FHIP1A: variants seen among roughly 807,000 people sequenced by gnomAD.
FHIP1A encodes FHF complex subunit HOOK-interacting protein 1A.
In FHIP1A, 61 loss-of-function variants were observed where a neutral mutation model predicts 88.6. That is an observed-to-expected ratio of 0.69 (90% CI 0.56 to 0.85). The LOEUF is 0.85. FHIP1A is among the 40% of genes least tolerant of loss of function. The pLI is 0.00. For missense variants in FHIP1A, 1,154 were observed against 1,273.5 expected (o/e 0.91, Z 1.43); for synonymous variants, 478 against 496.0 (o/e 0.96, Z 0.48).
At chr4:151,556,120 A>G (rs1198772107) in intron 3 of FHIP1A, among the ~76,000 whole-genome samples, 1 of 152,136 alleles carries the variant, frequency 6.6e-6, no homozygotes, top group Non-Finnish European at 1.5e-5. Flanking sequence ...TAATTATAAT[A>G]TGCGTATTTT....
intron 5 of FHIP1A, among the ~76,000 whole-genome samples, chr4:151,579,955 G>A (rs1490191730): frequency 6.6e-6 from 1 of 152,112 alleles, no homozygotes; most frequent in Non-Finnish European, 1.5e-5. Flanking sequence ...AGATACTTTA[G>A]TCTGTGTTTC....
chr4:151,646,269 G>T (rs1470315966), intron 9 of FHIP1A, among the ~76,000 whole-genome samples: 1 of 152,224 alleles, frequency 6.6e-6, no homozygotes, highest in African/African-American at 2.4e-5. Flanking sequence ...GCCAGGTAAA[G>T]GTGACAGTGG....
At chr4:151,586,404 T>C (rs1349695604) in intron 5 of FHIP1A, among the ~76,000 whole-genome samples, 3 of 152,204 alleles carry the variant, frequency 2.0e-5, no homozygotes, top group Non-Finnish European at 4.4e-5. Context: ...ATACCAACCA[T>C]GTGTATATTA....
intron 2 of FHIP1A, 39 bp downstream of exon 2, chr4:151,454,847 T>G (rs931135733): frequency 6.6e-6 from 1 of 152,174 alleles, no homozygotes; most frequent in Non-Finnish European, 1.5e-5. Context: ...ACTTTTAGCT[T>G]GTGTGTGAAA....
chr4:151,629,379 A>G (rs1429555527), intron 7 of FHIP1A, among the ~76,000 whole-genome samples: 1 of 152,172 alleles, frequency 6.6e-6, no homozygotes, highest in Non-Finnish European at 1.5e-5. Flanking sequence ...AATACTTTCC[A>G]TTATCTTTTT....
intron 1 of FHIP1A, among the ~76,000 whole-genome samples, chr4:151,452,205 T>A (rs1450600300): frequency 6.6e-6 from 1 of 152,226 alleles, no homozygotes; most frequent in South Asian, 2.1e-4. Flanking sequence ...TTAGACTCAT[T>A]AACATGGTTC....
Position 151,435,993 on chromosome 4 carries a change from T to C in FHIP1A, c.-355-18708T>C, listed in dbSNP as rs561699500. Among the ~76,000 whole-genome samples the C allele has an allele frequency of 1.5e-4, 23 of 152,304 alleles. No homozygotes were observed. In the South Asian group the frequency reaches 4.8e-3, roughly 32 times the overall value. ...CAATGCTTTTGTGATTTAATTTGTA[T>C]AAGAAAAAAGTTATTTAGTTCAGTT... On this transcript the variant is annotated intron_variant, in intron 1 of 13. Coordinates refer to ENST00000435205, the MANE Select transcript of FHIP1A (RefSeq NM_001109977.3).
intron 3 of FHIP1A, among the ~76,000 whole-genome samples, chr4:151,548,075 A>G (rs1020660946): frequency 1.3e-5 from 2 of 152,142 alleles, no homozygotes; most frequent in Non-Finnish European, 2.9e-5. Context: ...TGAAGGTTAC[A>G]TGGCTACTAA....
rs1737753028 is a variant in FHIP1A, at chr4:151,668,723, A to G, written c.*5969A>G. On this transcript the variant is annotated 3_prime_UTR_variant, in exon 14 of 14. Coordinates refer to ENST00000435205, the MANE Select transcript of FHIP1A (RefSeq NM_001109977.3). Reference sequence around the variant, plus strand: ...TGTTTCATACAGTAAGCGAGCTTTTACTGAATACTCCCTCTGTTAGGTAGC... The same window carrying G: ...TGTTTCATACAGTAAGCGAGCTTTTGCTGAATACTCCCTCTGTTAGGTAGC... Among the ~76,000 whole-genome samples the G allele has an allele frequency of 6.6e-6, 1 of 152,214 alleles. No homozygotes were observed. The highest frequency in any genetic ancestry group is 2.4e-5 in the African/African-American group (1 of 41,456).
chr4:151,603,742 T>C lies in FHIP1A; in HGVS notation c.978+14816T>C, dbSNP rs150199526. Among the ~76,000 whole-genome samples the C allele has an allele frequency of 2.0e-4, 31 of 152,336 alleles. No individual in the cohort carries two copies. The East Asian group carries it at 5.4e-3, about 27-fold the overall frequency. ...TATCACTTTTCCCACTTACCTGGCA[T>C]AGAACTCTTAATCATCCTTGAATTT... On this transcript the variant is annotated intron_variant, in intron 7 of 13. Transcript: ENST00000435205.
At chr4:151,442,329 A>G (rs1728442024) in intron 1 of FHIP1A, among the ~76,000 whole-genome samples, 1 of 152,098 alleles carries the variant, frequency 6.6e-6, no homozygotes, top group Non-Finnish European at 1.5e-5. Context: ...GCCCACTCAA[A>G]TTAATTAAAA....
chr4:151,590,990 C>T (rs892025417), intron 7 of FHIP1A, among the ~76,000 whole-genome samples: 1 of 152,046 alleles, frequency 6.6e-6, no homozygotes, highest in African/African-American at 2.4e-5. Flanking sequence ...CCATTGCAGA[C>T]AATTTGTCTC....
chr4:151,542,095 TC>T (rs1732316744), intron 3 of FHIP1A, among the ~76,000 whole-genome samples: 1 of 152,128 alleles, frequency 6.6e-6, no homozygotes, highest in Non-Finnish European at 1.5e-5. Flanking sequence ...TTCTTTTTTT[TC>T]TTTTTTGCCC....
intron 11 of FHIP1A, among the ~76,000 whole-genome samples, chr4:151,654,267 G>A (rs145185448): frequency 6.6e-6 from 1 of 152,160 alleles, no homozygotes; most frequent in East Asian, 1.9e-4. Flanking sequence ...CATTCACCTA[G>A]GTCAGTGATG....
At chr4:151,541,177 G>A (rs1347298543) in intron 3 of FHIP1A, among the ~76,000 whole-genome samples, 1 of 152,142 alleles carries the variant, frequency 6.6e-6, no homozygotes, top group African/African-American at 2.4e-5. Context: ...AGAGATCATT[G>A]TTTATTACCT....
chr4:151,651,808 A>T (rs917676624), intron 11 of FHIP1A, among the ~76,000 whole-genome samples: 3 of 152,198 alleles, frequency 2.0e-5, no homozygotes, highest in Non-Finnish European at 2.9e-5. Context: ...GAAGATTTGT[A>T]TATACAGGAA....
chr4:151,436,697 G>A (rs1303526891), intron 1 of FHIP1A, among the ~76,000 whole-genome samples: 1 of 152,102 alleles, frequency 6.6e-6, no homozygotes, highest in Non-Finnish European at 1.5e-5. Flanking sequence ...ATATAAACCT[G>A]TGCTAGTCTA....
rs1388931508 is a variant in FHIP1A at position 151,409,203 on chromosome 4, T to A, written c.-618T>A. On this transcript the variant is annotated 5_prime_UTR_variant, in exon 1 of 14. Coordinates refer to ENST00000435205, the MANE Select transcript of FHIP1A (RefSeq NM_001109977.3). The stretch of plus-strand genomic sequence containing the variant: ...TGACCCACGCGCCTCAGCCCGCGGC[T>A]GACGCACCTTCGAAAAGTTGCGCTC... 6.6e-6 allele frequency: 1 copy of A among 150,454 alleles called. No homozygotes were observed. The highest frequency in any genetic ancestry group is 1.5e-5 in the Non-Finnish European group (1 of 67,616). 9.3% of individuals were successfully genotyped at this position (150,454 alleles called of 1,614,324 possible).
chr4:151,639,372 A>G (rs1450632835), intron 9 of FHIP1A, among the ~76,000 whole-genome samples: 1 of 152,236 alleles, frequency 6.6e-6, no homozygotes, highest in African/African-American at 2.4e-5. Context: ...GTGCACAGCT[A>G]TTAAGAAGAC....
Sources: gnomAD v4.1 joint callset for allele counts (sites outside exome capture counted in the v4.1 genomes callset) on GRCh38, gnomAD v4.1.1 for gene constraint, MANE v1.5 for transcripts, NCBI Gene and HGNC (gene_info 2026-07-23, HGNC 2026-07-21) for gene names.